Variants in NRXN1 observed in about 807,000 individuals in gnomAD.
NRXN1 encodes the protein neurexin-1.
In NRXN1, 39 loss-of-function variants were observed where a neutral mutation model predicts 150.9. The ratio of observed to expected loss-of-function variants is 0.26; its 90% CI spans 0.20 to 0.34. The LOEUF is 0.34. NRXN1 is among the 10% of genes least tolerant of loss of function. The pLI is 1.00. For synonymous variants in NRXN1, 924 were observed against 757.0 expected (o/e 1.22, Z -3.62); for missense variants, 1,815 against 1,949.9 (o/e 0.93, Z 1.30).
chr2:50,933,134 A>G (rs1234930409), intron 2 of NRXN1, among the ~76,000 whole-genome samples: 1 of 152,106 alleles, frequency 6.6e-6, no homozygotes, highest in African/African-American at 2.4e-5. Flanking sequence ...GTGTTTACCC[A>G]TGGGCATTCT....
At chr2:50,371,762 T>C (rs867856847) in intron 17 of NRXN1, among the ~76,000 whole-genome samples, 1 of 87,736 alleles carries the variant, frequency 1.1e-5, no homozygotes, top group African/African-American at 7.6e-5. Context: ...ACAGTTACTG[T>C]TGCAATTTAT....
intron 8 of NRXN1, among the ~76,000 whole-genome samples, chr2:50,559,889 ATTT>A (rs1668803227): frequency 6.6e-6 from 1 of 152,158 alleles, no homozygotes; most frequent in Non-Finnish European, 1.5e-5. Flanking sequence ...GGTCCTACTC[ATTT>A]TGTATCAAAA....
chr2:50,811,183 T>G (rs780568002), intron 5 of NRXN1, among the ~76,000 whole-genome samples: 22 of 152,188 alleles, frequency 1.4e-4, no homozygotes, highest in African/African-American at 4.8e-4. Context: ...ATCCTTTCTC[T>G]CAATGACCGG....
intron 8 of NRXN1, among the ~76,000 whole-genome samples, chr2:50,575,847 T>A (rs1257392966): frequency 6.6e-6 from 1 of 152,168 alleles, no homozygotes; most frequent in Non-Finnish European, 1.5e-5. Flanking sequence ...AACTTTTTCT[T>A]TGGAGGCAAA....
chr2:50,502,971 GT>G (rs2104966063), intron 13 of NRXN1, among the ~76,000 whole-genome samples: 1 of 152,226 alleles, frequency 6.6e-6, no homozygotes, highest in South Asian at 2.1e-4. Flanking sequence ...GGGGCGAAGT[GT>G]GGTAGACAAA....
At chr2:50,663,347 C>G (rs570787671) in intron 5 of NRXN1, among the ~76,000 whole-genome samples, 2 of 152,030 alleles carry the variant, frequency 1.3e-5, no homozygotes, top group South Asian at 4.1e-4. Flanking sequence ...GGAAATTAAC[C>G]TTCGGACTCT....
chr2:50,602,279 C>T (rs985536142), intron 8 of NRXN1, among the ~76,000 whole-genome samples: 1 of 152,068 alleles, frequency 6.6e-6, no homozygotes, highest in Admixed American at 6.6e-5. Context: ...AAATCACCAT[C>T]CAGGTTGATA....
At chr2:50,128,282 C>T (rs1704913032) in intron 18 of NRXN1, among the ~76,000 whole-genome samples, 1 of 152,138 alleles carries the variant, frequency 6.6e-6, no homozygotes, top group South Asian at 2.1e-4. Context: ...AGAGAAAGAC[C>T]ATGAGTCATA....
intron 17 of NRXN1, among the ~76,000 whole-genome samples, chr2:50,261,693 T>C (rs768531352): frequency 6.6e-6 from 1 of 151,956 alleles, no homozygotes; most frequent in Non-Finnish European, 1.5e-5. Context: ...GTTAACAATA[T>C]AGAAATATGT....
intron 5 of NRXN1, among the ~76,000 whole-genome samples, chr2:50,862,859 A>C (rs1156433031): frequency 6.6e-6 from 1 of 152,082 alleles, no homozygotes; most frequent in Non-Finnish European, 1.5e-5. Context: ...TTGTCTCCAA[A>C]ATGCATGTCC....
chr2:50,941,677 T>C (rs1689469766), intron 2 of NRXN1, among the ~76,000 whole-genome samples: 1 of 152,176 alleles, frequency 6.6e-6, no homozygotes. Context: ...AAGCATTCAA[T>C]ATGTGACCTG....
chr2:50,143,561 C>T (rs537082734), intron 18 of NRXN1, among the ~76,000 whole-genome samples: 58 of 152,046 alleles, frequency 3.8e-4, no homozygotes, highest in African/African-American at 1.3e-3. Flanking sequence ...ACAGAGAGAG[C>T]AGCAAATGTG....
intron 18 of NRXN1, among the ~76,000 whole-genome samples, chr2:50,107,103 T>C (rs750057209): frequency 2.0e-5 from 3 of 151,976 alleles, no homozygotes; most frequent in Non-Finnish European, 4.4e-5. Context: ...CCACCTAAAA[T>C]AACTTTTCAA....
intron 2 of NRXN1, among the ~76,000 whole-genome samples, chr2:50,926,776 A>T (rs1384921244): frequency 6.6e-6 from 1 of 151,872 alleles, no homozygotes. Flanking sequence ...TATATCTATA[A>T]AATACCTACA....
At chr2:50,783,742 T>G (rs955318391) in intron 5 of NRXN1, among the ~76,000 whole-genome samples, 1 of 152,126 alleles carries the variant, frequency 6.6e-6, no homozygotes, top group Non-Finnish European at 1.5e-5. Flanking sequence ...GCAAACATAG[T>G]GCTACTTTTC....
At chr2:50,386,422 T>C (rs1442829767) in intron 17 of NRXN1, among the ~76,000 whole-genome samples, 1 of 152,050 alleles carries the variant, frequency 6.6e-6, no homozygotes, top group Non-Finnish European at 1.5e-5. Context: ...AAAGTAATGG[T>C]TCATAGGAGG....
chr2:50,586,633 G>A (rs1673144080), intron 8 of NRXN1, among the ~76,000 whole-genome samples: 1 of 151,872 alleles, frequency 6.6e-6, no homozygotes, highest in Non-Finnish European at 1.5e-5. Context: ...AAAATTAGTG[G>A]CTTCACAAGC....
At chr2:50,648,059 T>G (rs1685080099) in intron 5 of NRXN1, among the ~76,000 whole-genome samples, 1 of 152,032 alleles carries the variant, frequency 6.6e-6, no homozygotes, top group African/African-American at 2.4e-5. Context: ...AAGAAAAAGT[T>G]AATAATATTA....
intron 8 of NRXN1, among the ~76,000 whole-genome samples, chr2:50,556,187 A>G (rs1051966488): frequency 5.3e-5 from 8 of 152,022 alleles, no homozygotes; most frequent in South Asian, 2.1e-4. Flanking sequence ...TAATTACCCT[A>G]TTTTTCTAAA....
Sources: allele counts gnomAD v4.1 joint callset (sites outside exome capture counted in the v4.1 genomes callset), GRCh38; gene constraint gnomAD v4.1.1; transcripts MANE v1.5; gene names NCBI Gene and HGNC (gene_info 2026-07-23, HGNC 2026-07-21).